Variants in HTT observed in about 807,000 individuals in gnomAD.
The protein encoded by HTT is huntingtin, also known as huntington disease protein.
HTT carries 104 observed loss-of-function variants against 362.3 expected under a neutral mutation model. The observed-to-expected ratio is 0.29, with a 90% confidence interval of 0.24 to 0.34. The LOEUF (loss-of-function observed/expected upper bound fraction) is 0.34. HTT is among the 10% of genes least tolerant of loss of function. HTT has a pLI of 1.00. For synonymous variants in HTT, 1,577 were observed against 1,548.7 expected (o/e 1.02, Z -0.43); for missense variants, 3,301 against 3,928.6 (o/e 0.84, Z 4.27).
At position 3,240,158 on chromosome 4, in the gene HTT, A is replaced by G. The variant is rs951182294; in HGVS notation, c.*99A>G. On this transcript the variant is annotated 3_prime_UTR_variant, in exon 67 of 67. Coordinates refer to ENST00000355072, the MANE Select transcript of HTT (RefSeq NM_001388492.1). The stretch of plus-strand genomic sequence containing the variant: ...CCTCCACCGAGCCAGCTTGGTCCCT[A>G]TGGGCTTCCGCACATGCCGCGGGCG... The G allele has an allele frequency of 1.4e-5, 14 of 1,021,468 alleles. No homozygotes were observed. The highest frequency in any genetic ancestry group is 1.3e-4 in the Admixed American group (6 of 45,974). 63.3% of individuals were successfully genotyped at this position (1,021,468 alleles called of 1,614,324 possible). A position where few individuals can be genotyped will look rare whatever the true frequency, so the allele number is the denominator to read the frequency against.
At chr4:3,188,041 A>G in intron 39 of HTT, 155 bp downstream of exon 39, 1 of 601,280 alleles carries the variant, frequency 1.7e-6, no homozygotes, top group South Asian at 2.0e-5. Context: ...TCCGTCCTGC[A>G]TTATCTATGG....
At position 3,218,126 on chromosome 4, in the gene HTT, G is replaced by A. The variant is rs573466499; in HGVS notation, c.7242+174G>A. The stretch of plus-strand genomic sequence containing the variant: ...AGGCTGCTTTCCTCAGGCACCACGT[G>A]TGGAGGTCGCTAGTAGAAATACTGG... On this transcript the variant is annotated intron_variant, in intron 52 of 66. Transcript: ENST00000355072. The surrounding 1 kb of genome is among the most constrained non-coding windows in gnomAD (Gnocchi z 4.4). Among the ~76,000 whole-genome samples the A allele has an allele frequency of 2.4e-3, 361 of 152,362 alleles. 4 individuals carry two copies. The highest frequency in any genetic ancestry group is 8.5e-3 in the African/African-American group (353 of 41,582).
intron 1 of HTT, among the ~76,000 whole-genome samples, chr4:3,083,271 A>T (rs1713011104): frequency 6.6e-6 from 1 of 152,172 alleles, no homozygotes; most frequent in East Asian, 1.9e-4. Flanking sequence ...CTGTAATACC[A>T]GTAGTTTGAG....
At chr4:3,089,225 G>A (rs560566877) in intron 2 of HTT, among the ~76,000 whole-genome samples, 1 of 152,170 alleles carries the variant, frequency 6.6e-6, no homozygotes, top group East Asian at 1.9e-4. Flanking sequence ...ATCCCATTGC[G>A]ATGCCCATCA....
intron 6 of HTT, among the ~76,000 whole-genome samples, chr4:3,113,513 A>G (rs1206293568): frequency 1.3e-5 from 2 of 152,152 alleles, no homozygotes; most frequent in Non-Finnish European, 2.9e-5. Flanking sequence ...TATTTTTAGT[A>G]GAGACGGGGT....
chr4:3,096,528 C>T (rs555768481), intron 2 of HTT, among the ~76,000 whole-genome samples: 1 of 152,126 alleles, frequency 6.6e-6, no homozygotes, highest in African/African-American at 2.4e-5. Flanking sequence ...TTTCTGACCT[C>T]AGTATCATTA....
chr4:3,121,239 G>A lies in HTT; in HGVS notation c.1080G>A (p.Leu360=), dbSNP rs771183477. 1 of 1,613,390 alleles carries A rather than the reference G, an allele frequency of 6.2e-7. No homozygotes were observed. The highest frequency in any genetic ancestry group is 8.5e-7 in the Non-Finnish European group (1 of 1,179,306). ...SAEQLVQVYE[L]TLHHTQHQDH... is the part of the protein sequence containing the mutation. ...TTCTCTGTTTCTAGGTTTATGAACT[G>A]ACGTTACATCATACACAGCACCAAG... Residue 360 remains leucine, a synonymous_variant, in exon 9 of 67, where the codon CTG becomes CTA. Coordinates refer to ENST00000355072, the MANE Select transcript of HTT (RefSeq NM_001388492.1).
At chr4:3,221,108 C>G (rs1720652705) in intron 53 of HTT, among the ~76,000 whole-genome samples, 1 of 152,152 alleles carries the variant, frequency 6.6e-6, no homozygotes, top group Non-Finnish European at 1.5e-5. Flanking sequence ...ATGTTCCTGT[C>G]TTGTCCTAGA....
chr4:3,225,709 G>A lies in HTT; in HGVS notation c.7814G>A (p.Arg2605Gln), dbSNP rs369751042. 2.5e-6 allele frequency: 4 copies of A among 1,613,950 alleles called. No homozygotes were observed. The highest frequency in any genetic ancestry group is 2.2e-5 in the South Asian group (2 of 91,080). ...EKLLLQINPE[R>Q]ELGSMSYKLG... ...CTGCTGCTACAGATCAACCCCGAGC[G>A]GGAGCTGGGGAGCATGAGCTACAAA... Residue 2605 changes from arginine (R) to glutamine (Q), a missense_variant, in exon 57 of 67, where the codon CGG becomes CAG. Around this residue, in one of 4 missense-constraint regions of HTT, gnomAD observed 753 missense variants for 1,021.3 expected, o/e 0.74. Coordinates refer to ENST00000355072, the MANE Select transcript of HTT (RefSeq NM_001388492.1).
chr4:3,128,620 A>G (rs553267572), intron 12 of HTT: 1 of 152,226 alleles, frequency 6.6e-6, no homozygotes, highest in East Asian at 1.9e-4. Flanking sequence ...CTTTTACAAC[A>G]TTTCCCATTT....
intron 26 of HTT, among the ~76,000 whole-genome samples, chr4:3,152,702 T>TC (rs944046972): frequency 3.3e-5 from 5 of 151,848 alleles, no homozygotes; most frequent in African/African-American, 4.8e-5. Flanking sequence ...TCTCTGTTTT[T>TC]CTTTTTTTTT....
At chr4:3,181,305 A>G (rs1386334330) in intron 36 of HTT, among the ~76,000 whole-genome samples, 1 of 152,246 alleles carries the variant, frequency 6.6e-6, no homozygotes, top group Non-Finnish European at 1.5e-5. Flanking sequence ...ATCAATTGAC[A>G]GTGTTGGTCA....
At position 3,208,788 on chromosome 4, in the gene HTT, T is replaced by C; in HGVS notation, c.6168T>C (p.Tyr2056=). 1 of 1,612,650 alleles carries C rather than the reference T, an allele frequency of 6.2e-7. No individual in the cohort carries two copies. Among genetic ancestry groups the C allele is most frequent in the Middle Eastern group, 1.7e-4 (1 of 6,060 alleles). Residue 2056 remains tyrosine, a synonymous_variant, in exon 46 of 67, where the codon TAT becomes TAC. Coordinates refer to ENST00000355072, the MANE Select transcript of HTT (RefSeq NM_001388492.1). ...SGLAQRHQRL[Y]SLLDRFRLST... is the part of the protein sequence containing the mutation. ...TGTATTTTAGACACCAAAGGCTCTA[T>C]TCCCTGCTGGACAGGTTTCGTCTCT...
chr4:3,195,632 T>G (rs1334880826), intron 40 of HTT, among the ~76,000 whole-genome samples: 1 of 152,074 alleles, frequency 6.6e-6, no homozygotes, highest in Non-Finnish European at 1.5e-5. Flanking sequence ...GTGCCACTGT[T>G]GTCTTTGTTA....
intron 1 of HTT, among the ~76,000 whole-genome samples, chr4:3,085,815 A>G (rs1713176942): frequency 6.6e-6 from 1 of 152,028 alleles, no homozygotes; most frequent in East Asian, 1.9e-4. Flanking sequence ...ACCCCTCTCT[A>G]CTTTATTTTG....
At chr4:3,235,457 C>T in intron 62 of HTT, 59 bp downstream of exon 62, 1 of 1,505,192 alleles carries the variant, frequency 6.6e-7, no homozygotes, top group South Asian at 1.1e-5. Flanking sequence ...CTTCTCTTTT[C>T]CTTGCAGGAT....
Position 3,136,216 on chromosome 4 carries a change from C to A in HTT, c.2698-10C>A. The stretch of plus-strand genomic sequence containing the variant: ...GATTATGTTTATTTTTATTATCCTT[C>A]TCTCTAAAGCTTTTAAAACTGCAAG... On this transcript the variant is annotated splice_polypyrimidine_tract_variant and intron_variant, in intron 20 of 66. Coordinates refer to ENST00000355072, the MANE Select transcript of HTT (RefSeq NM_001388492.1). The A allele has an allele frequency of 6.4e-7, 1 of 1,550,750 alleles. No individual in the cohort carries two copies. The highest frequency in any genetic ancestry group is 8.9e-7 in the Non-Finnish European group (1 of 1,127,878).
chr4:3,182,418 G>C lies in HTT; in HGVS notation c.4814G>C (p.Arg1605Pro). 1.2e-6 allele frequency: 2 copies of C among 1,614,058 alleles called. No individual in the cohort carries two copies. Among genetic ancestry groups the C allele is most frequent in the Non-Finnish European group, 1.7e-6 (2 of 1,179,926 alleles). The part of the protein sequence containing the change: ...CHKENEDKWK[R>P]LSRQIADIIL... ...AAGGAGAATGAAGACAAGTGGAAGCGACTGTCTCGACAGATAGCTGACATC... is the reference window on the plus strand; with the variant it reads ...AAGGAGAATGAAGACAAGTGGAAGCCACTGTCTCGACAGATAGCTGACATC... The change falls in exon 37 of 67, where the codon CGA (arginine) becomes CCA (proline). Residue 1605 changes from arginine (R) to proline (P), a missense_variant. Transcript: ENST00000355072.
At chr4:3,174,909 C>T in intron 32 of HTT, 37 bp from the exon 33 acceptor site, 1 of 1,546,476 alleles carries the variant, frequency 6.5e-7, no homozygotes, top group Non-Finnish European at 8.8e-7. Flanking sequence ...TGAAGGCTTA[C>T]TTATGGATTC....
Sources: allele counts gnomAD v4.1 joint callset (sites outside exome capture counted in the v4.1 genomes callset), GRCh38; gene constraint gnomAD v4.1.1; regional missense constraint gnomAD v4.1.1; non-coding constraint Gnocchi (gnomAD v3.1); transcripts MANE v1.5; gene names NCBI Gene and HGNC (gene_info 2026-07-23, HGNC 2026-07-21).